The following CHIC1 variants were observed in gnomAD, a reference collection of about 807,000 sequenced individuals.
CHIC1 encodes cysteine-rich hydrophobic domain-containing protein 1.
Under a neutral mutation model 18.5 loss-of-function variants are expected in CHIC1, and 7 were observed. That is an observed-to-expected ratio of 0.38 (90% confidence interval 0.22 to 0.71). The LOEUF (loss-of-function observed/expected upper bound fraction) is 0.71. CHIC1 is among the 30% of genes least tolerant of loss of function. CHIC1 has a pLI of 0.49. For missense variants in CHIC1, 159 were observed against 176.9 expected, an observed-to-expected ratio of 0.90 and a Z score of 0.57; for synonymous variants, 77 against 73.5, an observed-to-expected ratio of 1.05 and a Z score of -0.25.
chrX:73,684,967 G>T lies in CHIC1; in HGVS notation c.*3962G>T, dbSNP rs760667258. 1.8e-5 allele frequency: 2 copies of T among 110,981 alleles called. No individual in the cohort carries two copies. The highest frequency in any genetic ancestry group is 3.8e-5 in the Non-Finnish European group (2 of 52,851). The allele number at this position is 110,981 out of a possible 1,213,427, so 9.1% of individuals were successfully genotyped here. ...TCAAATTCATACTATATGAGGAAAT[G>T]ATCTAATATTGTGGGCTCCAGGCAG... On this transcript the variant is annotated 3_prime_UTR_variant, in exon 6 of 6. Coordinates refer to ENST00000373502, the MANE Select transcript of CHIC1 (RefSeq NM_001039840.4).
chrX:73,638,704 T>TAGA (rs1345694174), intron 3 of CHIC1, among the ~76,000 whole-genome samples: 1 of 111,047 alleles, frequency 9.0e-6, no homozygotes, highest in African/African-American at 3.3e-5. Context: ...AGTAGGCCTC[T>TAGA]GTGTCTGTTG....
chrX:73,656,039 A>G (rs1475338226), intron 3 of CHIC1, among the ~76,000 whole-genome samples: 1 of 110,580 alleles, frequency 9.0e-6, no homozygotes, highest in African/African-American at 3.3e-5. Context: ...TTGTATTTTG[A>G]TTTGCATTAC....
intron 3 of CHIC1, among the ~76,000 whole-genome samples, chrX:73,678,087 T>C (rs1390225237): frequency 2.7e-5 from 3 of 110,524 alleles, no homozygotes; most frequent in Non-Finnish European, 5.7e-5. Context: ...AGAACGAGTT[T>C]TTCCTGTAGA....
At chrX:73,584,331 T>G in intron 2 of CHIC1, 86 bp from the exon 3 acceptor site, 1 of 836,353 alleles carries the variant, frequency 1.2e-6, no homozygotes, top group Non-Finnish European at 1.6e-6. Context: ...ATTCCTTAAA[T>G]TATTTGTAAT....
At chrX:73,622,214 A>G (rs1036023540) in intron 3 of CHIC1, among the ~76,000 whole-genome samples, 8 of 111,948 alleles carry the variant, frequency 7.1e-5, no homozygotes, top group Non-Finnish European at 9.4e-5. Flanking sequence ...GCCTTATAGA[A>G]TGAGTTAGGG....
intron 3 of CHIC1, among the ~76,000 whole-genome samples, chrX:73,589,377 C>T (rs188522912): frequency 9.0e-6 from 1 of 110,924 alleles, no homozygotes; most frequent in East Asian, 2.8e-4. Context: ...GAGTTTTTTA[C>T]TGTACTGTAT....
chrX:73,638,425 C>CA (rs2057840310), intron 3 of CHIC1, among the ~76,000 whole-genome samples: 1 of 111,533 alleles, frequency 9.0e-6, no homozygotes, highest in Non-Finnish European at 1.9e-5. Context: ...GTTCCTACCT[C>CA]ATTCAGACCA....
chrX:73,657,155 G>A (rs1461633517), intron 3 of CHIC1, among the ~76,000 whole-genome samples: 1 of 108,084 alleles, frequency 9.3e-6, no homozygotes, highest in Non-Finnish European at 1.9e-5. Flanking sequence ...CACCTTCCGG[G>A]TTCACGCCAT....
chrX:73,571,619 A>G lies in CHIC1; in HGVS notation c.297-5788A>G, dbSNP rs781452097. ...TCAGTTTAGCTATACTCTTGTGTCT[A>G]TGTATTGATTTAAAGGGAATATGTA... is the stretch of plus-strand genomic sequence containing the variant. On this transcript the variant is annotated intron_variant, in intron 1 of 5. Coordinates refer to ENST00000373502, the MANE Select transcript of CHIC1 (RefSeq NM_001039840.4). Among the ~76,000 whole-genome samples the G allele has an allele frequency of 5.4e-5, 6 of 111,215 alleles. No individual in the cohort carries two copies. In the South Asian group the frequency reaches 2.2e-3, roughly 42 times the overall value.
intron 2 of CHIC1, among the ~76,000 whole-genome samples, chrX:73,579,231 T>C (rs1306983687): frequency 9.1e-6 from 1 of 110,328 alleles, no homozygotes; most frequent in Non-Finnish European, 1.9e-5. Context: ...CTGTGTGGCC[T>C]TGTGCAAGTC....
intron 3 of CHIC1, among the ~76,000 whole-genome samples, chrX:73,640,278 T>C (rs1269654060): frequency 1.8e-5 from 2 of 112,304 alleles, no homozygotes; most frequent in African/African-American, 6.5e-5. Flanking sequence ...TCTGCATCTA[T>C]TGAGATAATC....
intron 3 of CHIC1, among the ~76,000 whole-genome samples, chrX:73,637,260 T>TGTATATG (rs2057835363): frequency 9.0e-6 from 1 of 110,818 alleles, no homozygotes; most frequent in African/African-American, 3.3e-5. Flanking sequence ...GAGGATCCCT[T>TGTATATG]GTATATGACA....
At chrX:73,637,961 A>G (rs1296923785) in intron 3 of CHIC1, among the ~76,000 whole-genome samples, 1 of 110,810 alleles carries the variant, frequency 9.0e-6, no homozygotes, top group Admixed American at 9.7e-5. Context: ...TGGGAATTTG[A>G]AAAAACCTCA....
At chrX:73,637,712 T>G (rs1239533911) in intron 3 of CHIC1, among the ~76,000 whole-genome samples, 1 of 111,913 alleles carries the variant, frequency 8.9e-6, no homozygotes, top group Non-Finnish European at 1.9e-5. Context: ...GGTTTCTTTT[T>G]ACATATTCTA....
intron 3 of CHIC1, among the ~76,000 whole-genome samples, chrX:73,649,078 A>G (rs187905578): frequency 8.9e-6 from 1 of 112,202 alleles, no homozygotes; most frequent in Non-Finnish European, 1.9e-5. Flanking sequence ...GTCAACCCAG[A>G]ATTTCATATC....
At chrX:73,659,370 C>CTTTTTTT (rs149705423) in intron 3 of CHIC1, among the ~76,000 whole-genome samples, 63 of 35,167 alleles carry the variant, frequency 1.8e-3, no homozygotes, top group African/African-American at 5.6e-3. Context: ...TTCCCCTTTT[C>CTTTTTTT]TTTTTTTTTT....
intron 3 of CHIC1, among the ~76,000 whole-genome samples, chrX:73,588,284 A>G (rs766233257): frequency 3.6e-5 from 4 of 110,631 alleles, no homozygotes; most frequent in Admixed American, 1.9e-4. Flanking sequence ...TTTCCCTCCA[A>G]TCCTCCCAGC....
intron 3 of CHIC1, among the ~76,000 whole-genome samples, chrX:73,627,157 A>C (rs2057787399): frequency 9.1e-6 from 1 of 109,601 alleles, no homozygotes; most frequent in Admixed American, 9.6e-5. Context: ...AAAAAAAAAA[A>C]AGAGTCTTTC....
chrX:73,592,635 T>C (rs991049617), intron 3 of CHIC1, among the ~76,000 whole-genome samples: 1 of 110,971 alleles, frequency 9.0e-6, no homozygotes, highest in African/African-American at 3.3e-5. Context: ...TTTGTGTCTA[T>C]GTTCATCAGG....
Sources: gnomAD v4.1 joint callset for allele counts (sites outside exome capture counted in the v4.1 genomes callset) on GRCh38, gnomAD v4.1.1 for gene constraint, MANE v1.5 for transcripts, NCBI Gene and HGNC (gene_info 2026-07-23, HGNC 2026-07-21) for gene names.